The following DLGAP5 variants were observed in gnomAD, a reference collection of about 807,000 sequenced individuals.
DLGAP5 encodes disks large-associated protein 5.
A neutral mutation model predicts 99.6 loss-of-function variants in DLGAP5; 90 were observed. That is an observed-to-expected ratio of 0.90 (90% CI 0.76 to 1.08). The LOEUF (loss-of-function observed/expected upper bound fraction) is 1.08, where lower values mean the gene tolerates loss of function less well. DLGAP5 is among the 50% of genes least tolerant of loss of function. DLGAP5 has a pLI of 0.00. For missense variants in DLGAP5, 1,036 were observed against 983.5 expected (o/e 1.05, Z -0.71); for synonymous variants, 311 against 321.3 (o/e 0.97, Z 0.34).
At chr14:55,181,339 G>A in intron 4 of DLGAP5, 42 bp from the exon 5 acceptor site, 1 of 1,475,044 alleles carries the variant, frequency 6.8e-7, no homozygotes, top group East Asian at 2.3e-5. Context: ...ATTGCATAAT[G>A]AATCAGACCA....
chr14:55,162,347 C>T (rs1882474829), intron 13 of DLGAP5, among the ~76,000 whole-genome samples: 1 of 152,054 alleles, frequency 6.6e-6, no homozygotes, highest in Non-Finnish European at 1.5e-5. Context: ...AGGCCGGGCA[C>T]GGTGGCTCAT....
Position 55,154,629 on chromosome 14 carries a change from A to G in DLGAP5, c.2051T>C (p.Ile684Thr), listed in dbSNP as rs1488152271. The G allele has an allele frequency of 6.2e-7, 1 of 1,613,948 alleles. No individual in the cohort carries two copies. Among genetic ancestry groups the G allele is most frequent in the Non-Finnish European group, 8.5e-7 (1 of 1,179,834 alleles). Residue 684 changes from isoleucine to threonine, a missense_variant, in exon 15 of 19, where the codon ATT becomes ACT. By Grantham distance (89) the Ile-to-Thr change is moderately conservative. Transcript: ENST00000247191. ...GTTAAAGAAATACCTGCTTTCAGGA[A>G]TACTCAAAAACAAAGTCTTCTTCAC... ...EHVKKTLFLSIPESRSSIEDA... is the reference protein window; with the variant it reads ...EHVKKTLFLSTPESRSSIEDA...
At chr14:55,161,201 G>A (rs112424812) in intron 13 of DLGAP5, among the ~76,000 whole-genome samples, 6,225 of 152,112 alleles carry the variant, frequency 0.041, 189 homozygotes, top group Non-Finnish European at 0.065. Flanking sequence ...ATAACAGGCA[G>A]AATTACAAAT....
At chr14:55,188,779 TAAAA>T (rs397852487) in intron 2 of DLGAP5, among the ~76,000 whole-genome samples, 159 bp downstream of exon 2, 4 of 116,242 alleles carry the variant, frequency 3.4e-5, no homozygotes, top group Non-Finnish European at 5.3e-5. Flanking sequence ...TCTTGTAATT[TAAAA>T]AAAAAAAAAA....
At chr14:55,175,313 C>CA (rs1883020268) in intron 10 of DLGAP5, 33 bp downstream of exon 10, 2 of 1,589,084 alleles carry the variant, frequency 1.3e-6, no homozygotes, top group Non-Finnish European at 1.7e-6. Context: ...GATATTAATA[C>CA]AAAATTCTTA....
chr14:55,172,904 C>G (rs1416948696), intron 10 of DLGAP5, among the ~76,000 whole-genome samples: 1 of 148,500 alleles, frequency 6.7e-6, no homozygotes, highest in African/African-American at 2.5e-5. Context: ...ATTGCTTGAA[C>G]CTGGGAGGCA....
At chr14:55,172,050 A>G (rs539352185) in intron 10 of DLGAP5, among the ~76,000 whole-genome samples, 1 of 152,184 alleles carries the variant, frequency 6.6e-6, no homozygotes, top group East Asian at 1.9e-4. Context: ...TTTAGTAGAG[A>G]TGGGGTTTCA....
chr14:55,160,242 A>C (rs929339751), intron 13 of DLGAP5, among the ~76,000 whole-genome samples: 1 of 151,424 alleles, frequency 6.6e-6, no homozygotes. Flanking sequence ...TACAAGAAAA[A>C]AAGTTAGCTG....
chr14:55,164,722 GACC>G, intron 12 of DLGAP5, among the ~76,000 whole-genome samples: 1 of 152,150 alleles, frequency 6.6e-6, no homozygotes, highest in East Asian at 1.9e-4. Flanking sequence ...AGGAGTTCAA[GACC>G]AGCCCGGCCA....
intron 12 of DLGAP5, among the ~76,000 whole-genome samples, chr14:55,167,172 T>TGA (rs1882672662): frequency 1.3e-5 from 2 of 150,236 alleles, no homozygotes; most frequent in South Asian, 4.2e-4. Flanking sequence ...GAGAATCGCT[T>TGA]GAACCCAGGA....
chr14:55,158,274 C>T (rs1882281098), intron 14 of DLGAP5, among the ~76,000 whole-genome samples: 1 of 152,158 alleles, frequency 6.6e-6, no homozygotes. Context: ...GATGTGAAAT[C>T]ACTTAGAAAG....
At chr14:55,171,796 G>A (rs934643038) in intron 10 of DLGAP5, among the ~76,000 whole-genome samples, 4 of 152,166 alleles carry the variant, frequency 2.6e-5, no homozygotes, top group African/African-American at 9.7e-5. Flanking sequence ...AAAAAGGAAA[G>A]TCTGACACAT....
At position 55,177,291 on chromosome 14, in the gene DLGAP5, G is replaced by A; in HGVS notation, c.820C>T (p.Gln274Ter). The A allele has an allele frequency of 6.2e-7, 1 of 1,608,192 alleles. No homozygotes were observed. Among genetic ancestry groups the A allele is most frequent in the Non-Finnish European group, 8.5e-7 (1 of 1,178,148 alleles). ...VDSEENTLNS[Q>*]TNATSGMNPD... ...TTCATTCCACTTGTTGCATTAGTTT[G>A]TGAATTCAAAGTATTTTCTTCACTA... The change falls in exon 8 of 19, where the codon CAA becomes TAA. Residue 274 changes from glutamine to a stop codon, truncating the protein, a stop_gained. Transcript: ENST00000247191. LOFTEE classifies it high-confidence loss of function.
intron 13 of DLGAP5, among the ~76,000 whole-genome samples, chr14:55,161,779 C>T (rs1882445850): frequency 7.2e-6 from 1 of 138,374 alleles, no homozygotes; most frequent in Non-Finnish European, 1.5e-5. Context: ...GAGGCTGAGG[C>T]AGGAGAATCA....
chr14:55,189,247 T>C, intron 1 of DLGAP5, 67 bp from the exon 2 acceptor site: 1 of 1,268,410 alleles, frequency 7.9e-7, no homozygotes, highest in African/African-American at 1.5e-5. Flanking sequence ...AAGATTACAG[T>C]TCATTTCCTG....
intron 11 of DLGAP5, among the ~76,000 whole-genome samples, chr14:55,169,836 G>A (rs1473885091): frequency 4.6e-5 from 7 of 152,076 alleles, no homozygotes; most frequent in African/African-American, 1.4e-4. Context: ...AACGTCAGCC[G>A]GTGTGGTGGC....
Position 55,182,399 on chromosome 14 carries a change from T to G in DLGAP5, c.466A>C (p.Lys156Gln), listed in dbSNP as rs150318862. ...GTCTGCTCCATTTGGTCTTTGGCCT[T>G]TGACCTTGTAATCCGTACAGAAGAT... ...IPSSVRITRS[K>Q]AKDQMEQTKI... Residue 156 changes from lysine to glutamine, a missense_variant, in exon 4 of 19, where the codon AAG becomes CAG. By Grantham distance (53) the Lys-to-Gln change is moderately conservative. Coordinates refer to ENST00000247191, the MANE Select transcript of DLGAP5 (RefSeq NM_014750.5). The G allele has an allele frequency of 1.2e-4, 192 of 1,612,994 alleles. No individual in the cohort carries two copies. In the African/African-American group the frequency reaches 2.1e-3, roughly 17 times the overall value.
chr14:55,186,991 C>T (rs1883454951), intron 2 of DLGAP5, among the ~76,000 whole-genome samples: 2 of 151,882 alleles, frequency 1.3e-5, no homozygotes, highest in South Asian at 4.2e-4. Flanking sequence ...TCACTGCAAC[C>T]TCCACCTCCT....
intron 17 of DLGAP5, among the ~76,000 whole-genome samples, chr14:55,151,492 C>A (rs1469363253): frequency 2.7e-5 from 4 of 150,042 alleles, no homozygotes; most frequent in African/African-American, 9.9e-5. Context: ...CGACTACACT[C>A]CAGCCTGGGC....
Sources: gnomAD v4.1 joint callset for allele counts (sites outside exome capture counted in the v4.1 genomes callset) on GRCh38, gnomAD v4.1.1 for gene constraint, MANE v1.5 for transcripts, NCBI Gene and HGNC (gene_info 2026-07-23, HGNC 2026-07-21) for gene names.